Variants in ADGB observed in about 807,000 individuals in gnomAD.
The protein encoded by ADGB is androglobin, also known as calpain-7-like protein.
In ADGB, 172 loss-of-function variants were observed where a neutral mutation model predicts 210.5. The ratio of observed to expected loss-of-function variants is 0.82; its 90% CI spans 0.72 to 0.93. The LOEUF (loss-of-function observed/expected upper bound fraction) is 0.93, where lower values mean the gene tolerates loss of function less well. Ranked by LOEUF, ADGB falls within the 40% of genes least tolerant of loss-of-function variation. The probability of loss-of-function intolerance (pLI) is 0.00; values close to 1 mark genes in which losing one functional copy is unlikely to be tolerated. For missense variants in ADGB, 2,025 were observed against 1,964.8 expected, an observed-to-expected ratio of 1.03 and a Z score of -0.58; for synonymous variants, 658 against 662.7, an observed-to-expected ratio of 0.99 and a Z score of 0.11.
At position 146,719,585 on chromosome 6, in the gene ADGB, C is replaced by T. The variant is rs534163336; in HGVS notation, c.1993-1818C>T. Among the ~76,000 whole-genome samples the T allele has an allele frequency of 1.4e-4, 22 of 152,258 alleles. No homozygotes were observed. In the South Asian group the frequency reaches 4.6e-3, roughly 32 times the overall value. On this transcript the variant is annotated intron_variant, in intron 16 of 35. Coordinates refer to ENST00000397944, the MANE Select transcript of ADGB (RefSeq NM_024694.4). The stretch of plus-strand genomic sequence containing the variant: ...CCTTAGTGGCCTGCCGAGCTGGGGA[C>T]ACAGAGCCCGAGGCCTGTCCTCAGC...
chr6:146,756,442 A>G (rs1440894701), intron 27 of ADGB, among the ~76,000 whole-genome samples: 2 of 151,910 alleles, frequency 1.3e-5, no homozygotes, highest in Admixed American at 1.3e-4. Context: ...ACCTTAATCA[A>G]GATTTTAACA....
chr6:146,809,408 G>C (rs1041842026), intron 35 of ADGB, among the ~76,000 whole-genome samples: 1 of 152,112 alleles, frequency 6.6e-6, no homozygotes, highest in Admixed American at 6.5e-5. Context: ...GTTTCACCAG[G>C]TCGACCAGGC....
intron 2 of ADGB, among the ~76,000 whole-genome samples, chr6:146,643,140 T>C (rs1474459456): frequency 6.6e-6 from 1 of 151,846 alleles, no homozygotes. Context: ...CAGTCAATTT[T>C]TCGATGACTC....
chr6:146,708,349 C>T (rs1776605916), intron 13 of ADGB, among the ~76,000 whole-genome samples: 1 of 151,938 alleles, frequency 6.6e-6, no homozygotes, highest in African/African-American at 2.4e-5. Flanking sequence ...TACTGATTAC[C>T]ATTCTTTTCT....
chr6:146,770,069 G>A (rs780955192), intron 29 of ADGB, among the ~76,000 whole-genome samples: 24 of 152,090 alleles, frequency 1.6e-4, no homozygotes, highest in Middle Eastern at 3.4e-3. Flanking sequence ...CACCTGTTTC[G>A]TCCCTTGCAT....
At chr6:146,788,284 A>G in intron 32 of ADGB, 105 bp from the exon 33 acceptor site, 2 of 1,022,830 alleles carry the variant, frequency 2.0e-6, no homozygotes, top group South Asian at 1.5e-5. Flanking sequence ...AGAGCTTTTG[A>G]GTCATCTGCT....
At chr6:146,770,040 G>A (rs1777629043) in intron 29 of ADGB, among the ~76,000 whole-genome samples, 1 of 151,994 alleles carries the variant, frequency 6.6e-6, no homozygotes, top group African/African-American at 2.4e-5. Flanking sequence ...CCTGAAGAAT[G>A]AGGAGTTTTG....
At chr6:146,666,924 C>T in intron 7 of ADGB, 22 bp downstream of exon 7, 3 of 1,469,680 alleles carry the variant, frequency 2.0e-6, no homozygotes, top group Non-Finnish European at 2.8e-6. Flanking sequence ...TATTAAATTG[C>T]TCATATCTAT....
chr6:146,666,720 G>T, intron 6 of ADGB, 96 bp from the exon 7 acceptor site: 1 of 684,022 alleles, frequency 1.5e-6, no homozygotes, highest in South Asian at 2.5e-5. Flanking sequence ...TGAATAATCA[G>T]AATATATTGC....
intron 13 of ADGB, among the ~76,000 whole-genome samples, chr6:146,708,075 G>A (rs956536458): frequency 1.3e-5 from 2 of 151,942 alleles, no homozygotes; most frequent in Admixed American, 6.6e-5. Context: ...AACTTTGATC[G>A]CATACAAAAA....
chr6:146,711,438 C>T (rs568141609), intron 13 of ADGB, among the ~76,000 whole-genome samples: 184 of 152,038 alleles, frequency 1.2e-3, no homozygotes, highest in African/African-American at 4.3e-3. Context: ...GCTCCTGGTA[C>T]CTTTAGACTT....
intron 20 of ADGB, 26 bp from the exon 21 acceptor site, chr6:146,733,094 C>A: frequency 2.0e-6 from 2 of 993,704 alleles, no homozygotes; most frequent in Non-Finnish European, 1.4e-6. Flanking sequence ...TATTTTCTTG[C>A]TATAAAAAAA....
At chr6:146,655,147 T>C (rs1583576732) in intron 4 of ADGB, among the ~76,000 whole-genome samples, 1 of 152,280 alleles carries the variant, frequency 6.6e-6, no homozygotes, top group East Asian at 1.9e-4. Context: ...TAACTGAGTT[T>C]AGTGAGCCTC....
At position 146,733,938 on chromosome 6, in the gene ADGB, A is replaced by G. The variant is rs1268933443; in HGVS notation, c.2702A>G (p.Glu901Gly). 4 of 1,551,718 alleles carry G rather than the reference A, an allele frequency of 2.6e-6. No homozygotes were observed. Among genetic ancestry groups the G allele is most frequent in the Middle Eastern group, 1.7e-4 (1 of 5,990 alleles). ...TATTGTATGCCCACAAGTGATAAAG[A>G]GTATTCTGCTGAGGAAGTAGCAGCA... ...VKYCMPTSDK[E>G]YSAEEVAAAI... Residue 901 changes from glutamate to glycine, a missense_variant, in exon 22 of 36, where the codon GAG (glutamate) becomes GGG (glycine). Coordinates refer to ENST00000397944, the MANE Select transcript of ADGB (RefSeq NM_024694.4).
intron 35 of ADGB, among the ~76,000 whole-genome samples, chr6:146,814,517 A>C (rs1033065325): frequency 3.9e-5 from 6 of 152,194 alleles, no homozygotes; most frequent in Non-Finnish European, 8.8e-5. Context: ...AGCTACATAT[A>C]AGGCCTTGGT....
chr6:146,697,490 A>T (rs1248402580), intron 12 of ADGB, among the ~76,000 whole-genome samples: 3 of 152,192 alleles, frequency 2.0e-5, no homozygotes, highest in African/African-American at 7.2e-5. Context: ...TCTAGAAGCA[A>T]GGAGTATAAT....
intron 17 of ADGB, 62 bp downstream of exon 17, chr6:146,721,567 G>C (rs1776815454): frequency 7.4e-6 from 2 of 271,344 alleles, no homozygotes; most frequent in Non-Finnish European, 1.1e-5. Flanking sequence ...CTAGGGCGTG[G>C]TGGCTCACGC....
At chr6:146,666,092 C>A (rs1775933845) in intron 6 of ADGB, among the ~76,000 whole-genome samples, 1 of 152,016 alleles carries the variant, frequency 6.6e-6, no homozygotes, top group Non-Finnish European at 1.5e-5. Flanking sequence ...AGTAAGATTT[C>A]TTTCTGAAGA....
intron 1 of ADGB, among the ~76,000 whole-genome samples, chr6:146,630,555 A>AAACG (rs912601770): frequency 2.6e-5 from 4 of 152,134 alleles, no homozygotes; most frequent in African/African-American, 9.7e-5. Flanking sequence ...AAAAACAAAC[A>AAACG]AACAAACAAA....
Sources: gnomAD v4.1 joint callset for allele counts (sites outside exome capture counted in the v4.1 genomes callset) on GRCh38, gnomAD v4.1.1 for gene constraint, MANE v1.5 for transcripts, NCBI Gene and HGNC (gene_info 2026-07-23, HGNC 2026-07-21) for gene names.